Variants in HEBP2 observed in about 807,000 individuals in gnomAD.
HEBP2 encodes heme-binding protein 2.
In HEBP2, 27 loss-of-function variants were observed where a neutral mutation model predicts 23.1. That is an observed-to-expected ratio of 1.17 (90% CI 0.86 to 1.61). The LOEUF is 1.61. Among genes scored for constraint, HEBP2 ranks in the 40% most tolerant of loss-of-function variants. HEBP2 has a pLI of 0.00. For missense variants in HEBP2, 245 were observed against 253.8 expected, an observed-to-expected ratio of 0.97 and a Z score of 0.24; for synonymous variants, 99 against 95.1, an observed-to-expected ratio of 1.04 and a Z score of -0.24.
chr6:138,404,968 C>T (rs1308368705), intron 1 of HEBP2, among the ~76,000 whole-genome samples, 177 bp from the exon 2 acceptor site: 1 of 152,108 alleles, frequency 6.6e-6, no homozygotes, highest in East Asian at 1.9e-4. Flanking sequence ...GGAGGGGAAC[C>T]TCGTGGAGGG....
chr6:138,404,670 A>G (rs1583100871), intron 1 of HEBP2, 73 bp downstream of exon 1: 9 of 976,390 alleles, frequency 9.2e-6, no homozygotes, highest in Non-Finnish European at 1.2e-5. Flanking sequence ...AGCGGGTCCC[A>G]TAGAGTTAAG....
In HEBP2 at chr6:138,414,568, C is replaced by T. The variant is rs1471742284; in HGVS notation, c.*1490C>T. ...TTCACCTTCAAGAAAGTACCAGCCG[C>T]CCAGCTGTGAGGGGTGTGGTTCGCC... On this transcript the variant is annotated 3_prime_UTR_variant, in exon 4 of 4. Coordinates refer to ENST00000607197, the MANE Select transcript of HEBP2 (RefSeq NM_014320.3). 1 of 152,212 alleles carries T rather than the reference C, an allele frequency of 6.6e-6. No individual in the cohort carries two copies. The highest frequency in any genetic ancestry group is 1.5e-5 in the Non-Finnish European group (1 of 68,060). 9.4% of individuals were successfully genotyped at this position (152,212 alleles called of 1,614,324 possible).
In HEBP2 at chr6:138,414,883, ACTGT is replaced by A. The variant is rs1017426105; in HGVS notation, c.*1811_*1814del. On this transcript the variant is annotated 3_prime_UTR_variant, in exon 4 of 4. Transcript: ENST00000607197. ...AGACGAGTCATGGCAACCTAGTGAG[ACTGT>A]CTGTCCAAAAAATAAAAAATTAGCC... The A allele has an allele frequency of 7.9e-5, 12 of 152,222 alleles. No homozygotes were observed. Among genetic ancestry groups the A allele is most frequent in the East Asian group, 1.9e-4 (1 of 5,174 alleles). The allele number at this position is 152,222 out of a possible 1,614,324, so 9.4% of individuals were successfully genotyped here. A position where few individuals can be genotyped will look rare whatever the true frequency, so the allele number is the denominator to read the frequency against.
At chr6:138,408,985 T>G (rs924529588) in intron 3 of HEBP2, among the ~76,000 whole-genome samples, 1 of 152,144 alleles carries the variant, frequency 6.6e-6, no homozygotes, top group African/African-American at 2.4e-5. Context: ...TTATAGTGCC[T>G]GTCTCAGTTG....
rs1180530276 is a variant in HEBP2 at position 138,404,554 on chromosome 6, TG to T, written c.61del (p.Glu21ArgfsTer49). 1.5e-6 allele frequency: 2 copies of T among 1,301,878 alleles called. No individual in the cohort carries two copies. Among genetic ancestry groups the T allele is most frequent in the South Asian group, 2.2e-5 (1 of 46,050 alleles). 80.6% of individuals were successfully genotyped at this position (1,301,878 alleles called of 1,614,324 possible). A position where few individuals can be genotyped will look rare whatever the true frequency, so the allele number is the denominator to read the frequency against. On this transcript the variant is annotated frameshift_variant, in exon 1 of 4. Transcript: ENST00000607197. LOFTEE classifies it high-confidence loss of function. ...GCCGAGGACGCGGCGGCCCAAGCTG[TG>T]GAGACGCCGGGCTGGAAGGCCCCGG... ...GAAEDAAAQA[V>X]ETPGWKAPED... is the part of the protein sequence containing the mutation.
In HEBP2 at chr6:138,404,597, G is replaced by A. The variant is rs1002196582; in HGVS notation, c.102G>A (p.Gln34=). 7.8e-5 allele frequency: 100 copies of A among 1,278,392 alleles called. 1 individual carries two copies. Among genetic ancestry groups the A allele is most frequent in the Non-Finnish European group, 9.5e-5 (96 of 1,012,246 alleles). 79.2% of individuals were successfully genotyped at this position (1,278,392 alleles called of 1,614,324 possible). A position where few individuals can be genotyped will look rare whatever the true frequency, so the allele number is the denominator to read the frequency against. ...AGGCCCCGGAGGACGCCGGCCCCCA[G>A]GTAGGCGCCGACTCGGGAGCGGAGG... ...GWKAPEDAGP[Q]PGSYEIRHYG... The change falls in exon 1 of 4, where the codon CAG becomes CAA. Residue 34 remains glutamine, a splice_region_variant and synonymous_variant. Coordinates refer to ENST00000607197, the MANE Select transcript of HEBP2 (RefSeq NM_014320.3).
chr6:138,413,021 T>A lies in HEBP2; in HGVS notation c.561T>A (p.Asn187Lys), dbSNP rs144913828. 136 of 1,613,918 alleles carry A rather than the reference T, an allele frequency of 8.4e-5. 1 individual carries two copies. The African/African-American group carries it at 1.5e-3, about 18-fold the overall frequency. ...AGYNSPVKLL[N>K]RNNEVWLIQK... ...ACAACAGTCCTGTCAAATTGCTTAA[T>A]AGAAATAATGAAGTGTGGTTGATTC... Residue 187 changes from asparagine (N) to lysine (K), a missense_variant, in exon 4 of 4, where the codon AAT becomes AAA. Asn to Lys is a moderately conservative substitution (Grantham distance 94, BLOSUM62 0). Transcript: ENST00000607197.
intron 3 of HEBP2, among the ~76,000 whole-genome samples, chr6:138,410,640 T>TA (rs1774730121): frequency 6.6e-6 from 1 of 152,050 alleles, no homozygotes; most frequent in African/African-American, 2.4e-5. Context: ...CCCTCCTCAC[T>TA]ATGCCTGGCT....
rs542606101 is a variant in HEBP2, at chr6:138,419,504, A to G, written c.*6426A>G. ...CGTGATCTATACATGTTAACACCCA[A>G]TCAGGGAGAGTTCGCCAGCGGTCAT... is the stretch of plus-strand genomic sequence containing the variant. On this transcript the variant is annotated 3_prime_UTR_variant, in exon 4 of 4. Coordinates refer to ENST00000607197, the MANE Select transcript of HEBP2 (RefSeq NM_014320.3). The G allele has an allele frequency of 2.6e-5, 4 of 152,128 alleles. No individual in the cohort carries two copies. The East Asian group carries it at 5.8e-4, about 22-fold the overall frequency. The allele number at this position is 152,128 out of a possible 1,614,324, so 9.4% of individuals were successfully genotyped here. A position where few individuals can be genotyped will look rare whatever the true frequency, so the allele number is the denominator to read the frequency against.
intron 3 of HEBP2, among the ~76,000 whole-genome samples, chr6:138,406,685 C>T (rs1418688892): frequency 2.0e-5 from 3 of 152,170 alleles, no homozygotes; most frequent in African/African-American, 7.2e-5. Context: ...TTACAAGGCT[C>T]TACCCTCATG....
chr6:138,403,836 T>A (rs192441252), upstream of HEBP2: 5 of 399,804 alleles, frequency 1.3e-5, no homozygotes, highest in East Asian at 1.8e-4. Flanking sequence ...AGTTCCAGAT[T>A]CTCTCCATGT....
chr6:138,411,812 A>G (rs1027649608), intron 3 of HEBP2, among the ~76,000 whole-genome samples: 1 of 152,166 alleles, frequency 6.6e-6, no homozygotes, highest in Non-Finnish European at 1.5e-5. Context: ...TTAAAAAATT[A>G]GTCCGATGTG....
intron 3 of HEBP2, among the ~76,000 whole-genome samples, chr6:138,408,760 C>T (rs1416673869): frequency 6.6e-6 from 1 of 152,190 alleles, no homozygotes; most frequent in Non-Finnish European, 1.5e-5. Flanking sequence ...CCTAGGATCA[C>T]TGTCGATGCC....
intron 3 of HEBP2, among the ~76,000 whole-genome samples, chr6:138,408,010 A>C: frequency 6.6e-6 from 1 of 152,204 alleles, no homozygotes; most frequent in Non-Finnish European, 1.5e-5. Flanking sequence ...TGCCCTCCCC[A>C]GGCACTGAAA....
intron 3 of HEBP2, among the ~76,000 whole-genome samples, chr6:138,406,802 G>A (rs1240625308): frequency 6.6e-6 from 1 of 152,156 alleles, no homozygotes; most frequent in African/African-American, 2.4e-5. Context: ...TGAGGCAGGT[G>A]GATCACTTGA....
rs981069305 is a variant in HEBP2, at chr6:138,416,921, C to G, written c.*3843C>G. 1.3e-5 allele frequency: 2 copies of G among 152,136 alleles called. No homozygotes were observed. Among genetic ancestry groups the G allele is most frequent in the African/African-American group, 4.8e-5 (2 of 41,412 alleles). 9.4% of individuals were successfully genotyped at this position (152,136 alleles called of 1,614,324 possible). On this transcript the variant is annotated 3_prime_UTR_variant, in exon 4 of 4. Transcript: ENST00000607197. Reference sequence around the variant, plus strand: ...TCATTAATTGCAGAGGTGACTGTATCCTAGGGGAAAGTTTCCTGCAACATT... The same window carrying G: ...TCATTAATTGCAGAGGTGACTGTATGCTAGGGGAAAGTTTCCTGCAACATT...
rs1774784062 is a variant in HEBP2 at position 138,413,276 on chromosome 6, CAT to C, written c.*202_*203del. 1 of 531,952 alleles carries C rather than the reference CAT, an allele frequency of 1.9e-6. No individual in the cohort carries two copies. The highest frequency in any genetic ancestry group is 2.5e-5 in the South Asian group (1 of 40,110). 33.0% of individuals were successfully genotyped at this position (531,952 alleles called of 1,614,324 possible). On this transcript the variant is annotated 3_prime_UTR_variant, in exon 4 of 4. Coordinates refer to ENST00000607197, the MANE Select transcript of HEBP2 (RefSeq NM_014320.3). The stretch of plus-strand genomic sequence containing the variant: ...GTAACAGAGGACAGTAGTCTGTAAA[CAT>C]ATAAATCGGTCATAACTATCGTGGT...
Position 138,417,964 on chromosome 6 carries a change from G to A in HEBP2, c.*4886G>A, listed in dbSNP as rs1774865748. 1 of 152,182 alleles carries A rather than the reference G, an allele frequency of 6.6e-6. No homozygotes were observed. Among genetic ancestry groups the A allele is most frequent in the Non-Finnish European group, 1.5e-5 (1 of 68,044 alleles). 9.4% of individuals were successfully genotyped at this position (152,182 alleles called of 1,614,324 possible). Reference sequence around the variant, plus strand: ...GAGGTCAAATTGTCCCTAGACCAAAGGCTTCTTTGGACTTCCCCTAACAAA... The same window carrying A: ...GAGGTCAAATTGTCCCTAGACCAAAAGCTTCTTTGGACTTCCCCTAACAAA... On this transcript the variant is annotated 3_prime_UTR_variant, in exon 4 of 4. Coordinates refer to ENST00000607197, the MANE Select transcript of HEBP2 (RefSeq NM_014320.3).
At chr6:138,410,361 G>C (rs1026361314) in intron 3 of HEBP2, among the ~76,000 whole-genome samples, 1 of 152,056 alleles carries the variant, frequency 6.6e-6, no homozygotes, top group Non-Finnish European at 1.5e-5. Context: ...AGAGGGTTCA[G>C]TATTTGATTT....
Sources: allele counts gnomAD v4.1 joint callset (sites outside exome capture counted in the v4.1 genomes callset), GRCh38; gene constraint gnomAD v4.1.1; transcripts MANE v1.5; gene names NCBI Gene and HGNC (gene_info 2026-07-23, HGNC 2026-07-21).